Variants in SOX5 observed in about 807,000 individuals in gnomAD.
SOX5 encodes the protein transcription factor SOX-5.
SOX5 carries 9 observed loss-of-function variants against 92.0 expected under a neutral mutation model. The observed-to-expected ratio is 0.10, with a 90% CI of 0.06 to 0.17. The LOEUF (loss-of-function observed/expected upper bound fraction) is 0.17. Ranked by LOEUF, SOX5 falls within the 10% of genes least tolerant of loss-of-function variation. SOX5 has a pLI of 1.00. For synonymous variants in SOX5, 344 were observed against 336.3 expected (o/e 1.02, Z -0.25); for missense variants, 642 against 944.5 (o/e 0.68, Z 4.20).
intron 4 of SOX5, among the ~76,000 whole-genome samples, chr12:24,174,315 CA>C (rs1339417328): frequency 6.6e-6 from 1 of 152,104 alleles, no homozygotes; most frequent in Non-Finnish European, 1.5e-5. Context: ...TGAGTTTTGA[CA>C]AACTTCTTAG....
At chr12:23,940,808 C>T (rs1380550802) in intron 1 of SOX5, among the ~76,000 whole-genome samples, 1 of 147,986 alleles carries the variant, frequency 6.8e-6, no homozygotes, top group African/African-American at 2.5e-5. Flanking sequence ...GATAGGTATG[C>T]TTTAGACCCT....
intron 4 of SOX5, among the ~76,000 whole-genome samples, chr12:23,978,048 CA>C (rs1949113215): frequency 6.6e-6 from 1 of 152,210 alleles, no homozygotes; most frequent in South Asian, 2.1e-4. Context: ...AGTTAAATGA[CA>C]CCTTACTGGA....
chr12:24,078,041 T>TG lies in SOX5; in HGVS notation c.-2+135301_-2+135302insC, dbSNP rs200073787. On this transcript the variant is annotated intron_variant, in intron 4 of 4. Transcript: ENST00000446891. The stretch of plus-strand genomic sequence containing the variant: ...AGAATTTATATTTAAAAAGCATAAC[T>TG]TTTACCTTTATAATATGTACACAGA... Among the ~76,000 whole-genome samples, 842 of 151,924 alleles carry TG rather than the reference T, an allele frequency of 5.5e-3. 4 individuals carry two copies. The highest frequency in any genetic ancestry group is 0.02 in the East Asian group (103 of 5,160).
intron 3 of SOX5, among the ~76,000 whole-genome samples, chr12:23,797,684 G>A (rs1186855213): frequency 6.6e-6 from 1 of 151,986 alleles, no homozygotes; most frequent in African/African-American, 2.4e-5. Context: ...AAAGAAGTCT[G>A]AAATTATAAG....
intron 4 of SOX5, among the ~76,000 whole-genome samples, chr12:24,064,167 C>A (rs1360844702): frequency 6.6e-6 from 1 of 152,202 alleles, no homozygotes. Flanking sequence ...GCATTCAATT[C>A]TCTTAGCGGC....
In SOX5 at chr12:24,088,324, T is replaced by C. The variant is rs556217764; in HGVS notation, c.-2+125019A>G. Among the ~76,000 whole-genome samples the C allele has an allele frequency of 2.4e-3, 372 of 152,204 alleles. 2 individuals carry two copies. The highest frequency in any genetic ancestry group is 8.5e-3 in the African/African-American group (354 of 41,562). On this transcript the variant is annotated intron_variant, in intron 4 of 4. Coordinates refer to the SOX5 transcript ENST00000446891. Reference sequence around the variant, plus strand: ...CTCTGAATAAGCTGTCTTAGAATTGTCTATTGTTGGCATTTACATAGTGTA... The same window carrying C: ...CTCTGAATAAGCTGTCTTAGAATTGCCTATTGTTGGCATTTACATAGTGTA...
intron 3 of SOX5, among the ~76,000 whole-genome samples, chr12:23,818,085 C>T (rs968216732): frequency 6.6e-6 from 1 of 152,134 alleles, no homozygotes; most frequent in Non-Finnish European, 1.5e-5. Flanking sequence ...AATAATAGAA[C>T]ATAGGACAGA....
intron 1 of SOX5, among the ~76,000 whole-genome samples, chr12:24,520,806 C>T (rs80157632): frequency 0.042 from 6,322 of 152,244 alleles, 215 homozygotes; most frequent in Admixed American, 0.11. Flanking sequence ...AAAGGAATTT[C>T]GTGCAAATGG....
chr12:23,894,568 T>A (rs2097159597), intron 2 of SOX5, among the ~76,000 whole-genome samples: 1 of 152,244 alleles, frequency 6.6e-6, no homozygotes, highest in East Asian at 1.9e-4. Context: ...AATTGTCAAA[T>A]GCCCAAAGAA....
intron 4 of SOX5, among the ~76,000 whole-genome samples, chr12:24,194,224 T>C (rs1956790255): frequency 6.6e-6 from 1 of 152,156 alleles, no homozygotes; most frequent in Non-Finnish European, 1.5e-5. Context: ...AACCATTAAT[T>C]TGGCATCCAT....
intron 6 of SOX5, among the ~76,000 whole-genome samples, chr12:23,726,252 C>G (rs955205978): frequency 5.3e-5 from 8 of 151,456 alleles, no homozygotes; most frequent in African/African-American, 1.9e-4. Flanking sequence ...AGTACTCTGT[C>G]TAGGGAGCTG....
chr12:23,663,136 A>G (rs1475001892), intron 7 of SOX5, among the ~76,000 whole-genome samples: 1 of 152,156 alleles, frequency 6.6e-6, no homozygotes, highest in African/African-American at 2.4e-5. Context: ...AACTGAGTCA[A>G]AACGCCAGGG....
chr12:24,413,744 T>C (rs1964524787), intron 1 of SOX5, among the ~76,000 whole-genome samples: 2 of 152,212 alleles, frequency 1.3e-5, no homozygotes, highest in South Asian at 4.1e-4. Flanking sequence ...TTGCAGACAC[T>C]AGCCCACAAG....
At chr12:23,641,110 A>T (rs1384646874) in intron 7 of SOX5, among the ~76,000 whole-genome samples, 1 of 152,122 alleles carries the variant, frequency 6.6e-6, no homozygotes, top group Non-Finnish European at 1.5e-5. Flanking sequence ...TAAGGCGGAA[A>T]CCTCATCCTT....
chr12:23,587,164 AATT>A (rs1950867646), intron 9 of SOX5, among the ~76,000 whole-genome samples: 1 of 151,864 alleles, frequency 6.6e-6, no homozygotes, highest in Admixed American at 6.6e-5. Context: ...AAATAACTTA[AATT>A]ATTATATAGC....
At chr12:24,113,154 T>C (rs982621340) in intron 4 of SOX5, among the ~76,000 whole-genome samples, 3 of 149,838 alleles carry the variant, frequency 2.0e-5, no homozygotes, top group Non-Finnish European at 3.0e-5. Flanking sequence ...GGAATTAATA[T>C]ATAATAAAAT....
At chr12:23,788,742 A>T (rs543117412) in intron 3 of SOX5, among the ~76,000 whole-genome samples, 51 of 152,104 alleles carry the variant, frequency 3.4e-4, no homozygotes, top group African/African-American at 1.2e-3. Context: ...CAGAAATTCT[A>T]TATTGTTGAA....
chr12:24,195,013 G>A (rs1019313705), intron 4 of SOX5, among the ~76,000 whole-genome samples: 1 of 152,028 alleles, frequency 6.6e-6, no homozygotes, highest in African/African-American at 2.4e-5. Context: ...TTGTGGGGCT[G>A]GCATTAGAAA....
intron 4 of SOX5, among the ~76,000 whole-genome samples, chr12:24,021,176 T>C (rs903922082): frequency 2.0e-5 from 3 of 152,074 alleles, no homozygotes; most frequent in African/African-American, 7.2e-5. Flanking sequence ...GCATGGAAGG[T>C]ACAGTCCAGG....
Sources: gnomAD v4.1 joint callset for allele counts (sites outside exome capture counted in the v4.1 genomes callset) on GRCh38, gnomAD v4.1.1 for gene constraint, MANE v1.5 for transcripts, NCBI Gene and HGNC (gene_info 2026-07-23, HGNC 2026-07-21) for gene names.